Variants in ARHGEF26 observed in about 807,000 individuals in gnomAD.
ARHGEF26 encodes the protein Rho guanine nucleotide exchange factor (GEF) 26.
ARHGEF26 carries 59 observed loss-of-function variants against 89.4 expected under a neutral mutation model. The ratio of observed to expected loss-of-function variants is 0.66; its 90% CI spans 0.54 to 0.82. The LOEUF (loss-of-function observed/expected upper bound fraction) is 0.82. ARHGEF26 is among the 40% of genes least tolerant of loss of function. ARHGEF26 has a pLI of 0.00. For synonymous variants in ARHGEF26, 500 were observed against 428.4 expected (o/e 1.17, Z -2.06); for missense variants, 1,234 against 1,085.6 (o/e 1.14, Z -1.92).
intron 3 of ARHGEF26, among the ~76,000 whole-genome samples, chr3:154,126,387 A>G (rs1470685642): frequency 2.0e-5 from 3 of 152,164 alleles, no homozygotes; most frequent in South Asian, 4.1e-4. Context: ...TGAGGCCTGC[A>G]GACCTAGGAA....
chr3:154,165,395 C>G (rs1346733447), intron 6 of ARHGEF26, among the ~76,000 whole-genome samples: 1 of 152,006 alleles, frequency 6.6e-6, no homozygotes, highest in Non-Finnish European at 1.5e-5. Context: ...TTTTCTGTTA[C>G]TTATGGAGTA....
Position 154,129,714 on chromosome 3 carries a change from T to G in ARHGEF26, c.1264T>G (p.Ser422Ala). ...ATTGAGATCCACATGGAGCCAACTCTCTGCGGTGAGTGTTTATCTTCTTTT... is the reference window on the plus strand; with the variant it reads ...ATTGAGATCCACATGGAGCCAACTCGCTGCGGTGAGTGTTTATCTTCTTTT... ...KPLRSTWSQLSAVKRKGLSQT... is the reference protein window; with the variant it reads ...KPLRSTWSQLAAVKRKGLSQT... The change falls in exon 4 of 15, where the codon TCT (serine) becomes GCT (alanine). Residue 422 changes from serine (S) to alanine (A), a missense_variant. Transcript: ENST00000465093. 1 of 1,610,464 alleles carries G rather than the reference T, an allele frequency of 6.2e-7. No homozygotes were observed. Among genetic ancestry groups the G allele is most frequent in the Non-Finnish European group, 8.5e-7 (1 of 1,178,446 alleles).
In ARHGEF26 at chr3:154,225,892, A is replaced by G. The variant is rs766424425; in HGVS notation, c.1972A>G (p.Lys658Glu). The change falls in exon 11 of 15, where the codon AAA (lysine) becomes GAA (glutamate). Residue 658 changes from lysine to glutamate, a missense_variant. Physicochemically the swap from Lys to Glu is moderately conservative, Grantham distance 56 (BLOSUM62 1). Transcript: ENST00000465093. Reference protein sequence around the residue: ...PLVSSSRWLVKRGELTAYVED... With the variant: ...PLVSSSRWLVERGELTAYVED... ...AGTCTCCTCTTCCCGGTGGTTGGTAAAAAGAGGTGAATTGACAGCCTATGT... is the reference window on the plus strand; with the variant it reads ...AGTCTCCTCTTCCCGGTGGTTGGTAGAAAGAGGTGAATTGACAGCCTATGT... 1.2e-6 allele frequency: 2 copies of G among 1,610,202 alleles called. No individual in the cohort carries two copies. The highest frequency in any genetic ancestry group is 1.1e-5 in the South Asian group (1 of 90,508).
At chr3:154,126,873 C>T (rs1270799343) in intron 3 of ARHGEF26, among the ~76,000 whole-genome samples, 1 of 152,142 alleles carries the variant, frequency 6.6e-6, no homozygotes. Context: ...ACAGAGCGTA[C>T]TTAAACAAAC....
rs761379636 is a variant in ARHGEF26, at chr3:154,122,621, C to T, written c.629C>T (p.Ser210Phe). The T allele has an allele frequency of 6.2e-7, 1 of 1,613,834 alleles. No individual in the cohort carries two copies. Among genetic ancestry groups the T allele is most frequent in the South Asian group, 1.1e-5 (1 of 91,088 alleles). Residue 210 changes from serine (S) to phenylalanine (F), a missense_variant, in exon 2 of 15, where the codon TCT becomes TTT. By Grantham distance (155) the Ser-to-Phe change is radical. Transcript: ENST00000465093. ...RGLFPGPQKS[S>F]SEQKLPLQRL... ...CTCTTTCCTGGGCCCCAGAAAAGTT[C>T]TTCGGAACAAAAACTCCCCCTCCAA...
intron 12 of ARHGEF26, among the ~76,000 whole-genome samples, chr3:154,251,218 G>A (rs557699305): frequency 6.6e-6 from 1 of 152,226 alleles, no homozygotes; most frequent in South Asian, 2.1e-4. Flanking sequence ...TACCAGACTT[G>A]CTTTGTCCTC....
chr3:154,253,278 C>CT, intron 13 of ARHGEF26, 95 bp downstream of exon 13: 1 of 1,415,328 alleles, frequency 7.1e-7, no homozygotes, highest in East Asian at 2.3e-5. Flanking sequence ...TGCCACAATA[C>CT]TTGCCTAAGT....
intron 12 of ARHGEF26, among the ~76,000 whole-genome samples, chr3:154,241,083 T>C (rs1424136433): frequency 6.6e-6 from 1 of 152,214 alleles, no homozygotes; most frequent in Non-Finnish European, 1.5e-5. Context: ...CCAGAGTTTA[T>C]GCACGACCAA....
chr3:154,254,694 C>A, intron 13 of ARHGEF26, 26 bp from the exon 14 acceptor site: 1 of 1,591,024 alleles, frequency 6.3e-7, no homozygotes, highest in Non-Finnish European at 8.6e-7. Flanking sequence ...CTACTGGAAA[C>A]TTAGTATGTC....
chr3:154,237,411 G>A (rs1254058938), intron 11 of ARHGEF26, among the ~76,000 whole-genome samples: 2 of 151,990 alleles, frequency 1.3e-5, no homozygotes, highest in Non-Finnish European at 2.9e-5. Context: ...GCATGGTGGT[G>A]CATGCCTGTA....
chr3:154,233,356 A>C (rs375271757), intron 11 of ARHGEF26, among the ~76,000 whole-genome samples: 6 of 152,260 alleles, frequency 3.9e-5, no homozygotes, highest in East Asian at 3.8e-4. Flanking sequence ...TCATCCCAGC[A>C]AAGTTTGACT....
At chr3:154,169,148 C>G (rs377181961) in intron 6 of ARHGEF26, among the ~76,000 whole-genome samples, 18 of 152,064 alleles carry the variant, frequency 1.2e-4, no homozygotes, top group African/African-American at 4.3e-4. Context: ...CCCAAGCACT[C>G]GGAGTCTCAA....
At chr3:154,181,477 G>A (rs994975248) in intron 6 of ARHGEF26, among the ~76,000 whole-genome samples, 1 of 152,138 alleles carries the variant, frequency 6.6e-6, no homozygotes, top group South Asian at 2.1e-4. Flanking sequence ...TGAAGAAAAA[G>A]TACCTTGAAA....
chr3:154,207,476 G>C (rs555112402), intron 9 of ARHGEF26, among the ~76,000 whole-genome samples: 1 of 152,184 alleles, frequency 6.6e-6, no homozygotes, highest in South Asian at 2.1e-4. Context: ...AGACATACAT[G>C]CAGCCAACAA....
intron 12 of ARHGEF26, among the ~76,000 whole-genome samples, chr3:154,243,795 A>T (rs932114940): frequency 1.3e-4 from 19 of 142,758 alleles, no homozygotes; most frequent in Admixed American, 7.8e-5. Flanking sequence ...ACATGCTTTC[A>T]AGACATAAAA....
At chr3:154,208,149 C>A (rs1000276346) in intron 9 of ARHGEF26, among the ~76,000 whole-genome samples, 1 of 152,026 alleles carries the variant, frequency 6.6e-6, no homozygotes, top group Admixed American at 6.6e-5. Flanking sequence ...GGATTCTGGG[C>A]AATACTTGGG....
At chr3:154,252,755 A>C (rs1194011490) in intron 12 of ARHGEF26, among the ~76,000 whole-genome samples, 1 of 152,232 alleles carries the variant, frequency 6.6e-6, no homozygotes, top group Non-Finnish European at 1.5e-5. Context: ...TTTTTAAAAA[A>C]TGAAACTTAA....
At chr3:154,233,781 A>G (rs1040536383) in intron 11 of ARHGEF26, among the ~76,000 whole-genome samples, 6 of 152,250 alleles carry the variant, frequency 3.9e-5, no homozygotes, top group African/African-American at 1.2e-4. Flanking sequence ...GTGATGGGCC[A>G]TGGTGGCCTT....
chr3:154,203,946 G>T (rs1171547043), intron 9 of ARHGEF26, among the ~76,000 whole-genome samples: 2 of 150,998 alleles, frequency 1.3e-5, no homozygotes, highest in Non-Finnish European at 2.9e-5. Flanking sequence ...CATAGATATT[G>T]TCCTGTAGTT....
Sources: allele counts gnomAD v4.1 joint callset (sites outside exome capture counted in the v4.1 genomes callset), GRCh38; gene constraint gnomAD v4.1.1; transcripts MANE v1.5; gene names NCBI Gene and HGNC (gene_info 2026-07-23, HGNC 2026-07-21).